Variants in SNTG1 observed in about 807,000 individuals in gnomAD.
SNTG1 encodes syntrophin gamma 1, also known as gamma-1-syntrophin.
In SNTG1, 39 loss-of-function variants were observed where a neutral mutation model predicts 74.7. The observed-to-expected ratio is 0.52, with a 90% confidence interval of 0.40 to 0.68. The LOEUF (loss-of-function observed/expected upper bound fraction) is 0.68. Ranked by LOEUF, SNTG1 falls within the 30% of genes least tolerant of loss-of-function variation. SNTG1 has a pLI of 0.00. For synonymous variants in SNTG1, 254 were observed against 217.1 expected (o/e 1.17, Z -1.49); for missense variants, 685 against 609.5 (o/e 1.12, Z -1.30).
At chr8:50,779,689 C>A (rs2095652638) in intron 18 of SNTG1, among the ~76,000 whole-genome samples, 1 of 145,914 alleles carries the variant, frequency 6.9e-6, no homozygotes, top group Non-Finnish European at 1.5e-5. Flanking sequence ...ATCGAATACC[C>A]TTTATTTCCT....
intron 1 of SNTG1, among the ~76,000 whole-genome samples, chr8:50,105,205 T>G (rs1351958155): frequency 6.6e-6 from 1 of 152,188 alleles, no homozygotes; most frequent in Non-Finnish European, 1.5e-5. Context: ...TTGATTTATG[T>G]ATATGGCGTA....
At chr8:50,645,560 T>C (rs2095103598) in intron 13 of SNTG1, among the ~76,000 whole-genome samples, 1 of 152,148 alleles carries the variant, frequency 6.6e-6, no homozygotes, top group African/African-American at 2.4e-5. Flanking sequence ...CATATAAATA[T>C]ATAGACATAA....
rs1810029917 is a variant in SNTG1, at chr8:49,954,954, T to C, written c.-103+42723T>C. On this transcript the variant is annotated intron_variant, in intron 1 of 18. Coordinates refer to ENST00000642720, the MANE Select transcript of SNTG1 (RefSeq NM_018967.5). ...AAGCAGAATGTTTAACTGGCATCTA[T>C]TTAATTGGTCTGTTATCAATGACTC... is the stretch of plus-strand genomic sequence containing the variant. Among the ~76,000 whole-genome samples the C allele has an allele frequency of 2.6e-5, 4 of 152,236 alleles. No individual in the cohort carries two copies. The South Asian group carries it at 6.2e-4, about 24-fold the overall frequency.
intron 1 of SNTG1, among the ~76,000 whole-genome samples, chr8:49,938,572 C>CTT (rs1206691190): frequency 8.4e-4 from 23 of 27,414 alleles, no homozygotes; most frequent in African/African-American, 2.0e-3. Context: ...CTTTTCTTTT[C>CTT]TTTTCTTTTC....
chr8:50,216,907 G>A (rs892257305), intron 2 of SNTG1, among the ~76,000 whole-genome samples: 16 of 151,972 alleles, frequency 1.1e-4, no homozygotes, highest in South Asian at 6.2e-4. Context: ...TTACATCAGA[G>A]ACTAGTCAAC....
chr8:50,372,124 T>C (rs1443010747), intron 2 of SNTG1, among the ~76,000 whole-genome samples: 3 of 152,030 alleles, frequency 2.0e-5, no homozygotes, highest in Non-Finnish European at 4.4e-5. Context: ...CTTTTCATTT[T>C]TCATCCTTTT....
At chr8:50,184,197 G>T (rs1484194892) in intron 2 of SNTG1, among the ~76,000 whole-genome samples, 2 of 151,992 alleles carry the variant, frequency 1.3e-5, no homozygotes, top group African/African-American at 4.8e-5. Context: ...ATGGAGTCTT[G>T]CTCTGTCGCC....
At chr8:50,500,483 G>T (rs1484523411) in intron 8 of SNTG1, among the ~76,000 whole-genome samples, 2 of 151,860 alleles carry the variant, frequency 1.3e-5, no homozygotes, top group African/African-American at 4.8e-5. Flanking sequence ...CATTTTTGTT[G>T]ATTGCTTCAA....
intron 17 of SNTG1, among the ~76,000 whole-genome samples, chr8:50,709,810 C>A (rs975461037): frequency 1.3e-5 from 2 of 152,158 alleles, no homozygotes; most frequent in African/African-American, 2.4e-5. Flanking sequence ...AGATCCATTC[C>A]ATTTCCTCCT....
chr8:50,077,340 C>T (rs1281553801), intron 1 of SNTG1, among the ~76,000 whole-genome samples: 1 of 152,022 alleles, frequency 6.6e-6, no homozygotes, highest in Non-Finnish European at 1.5e-5. Context: ...TCATTTTACC[C>T]CTTCATAATT....
intron 2 of SNTG1, among the ~76,000 whole-genome samples, chr8:50,316,708 A>G (rs913382543): frequency 2.6e-5 from 4 of 152,166 alleles, no homozygotes; most frequent in Non-Finnish European, 4.4e-5. Context: ...TCTAATCTAG[A>G]TAAGTATACA....
chr8:50,599,109 T>C lies in SNTG1; in HGVS notation c.849+8192T>C, dbSNP rs530848122. 2.0e-5 allele frequency among the ~76,000 whole-genome samples: 3 copies of C among 152,148 alleles called. No individual in the cohort carries two copies. In the South Asian group the frequency reaches 6.2e-4, roughly 32 times the overall value. The stretch of plus-strand genomic sequence containing the variant: ...CATCCAGTTTTCCCAGCACCATTGA[T>C]TGAAGAGACTGTCATTTCCGCCAAT... On this transcript the variant is annotated intron_variant, in intron 13 of 18. Coordinates refer to ENST00000642720, the MANE Select transcript of SNTG1 (RefSeq NM_018967.5).
chr8:49,923,322 TG>T (rs1219150764), intron 1 of SNTG1, among the ~76,000 whole-genome samples: 2 of 152,144 alleles, frequency 1.3e-5, no homozygotes, highest in Non-Finnish European at 2.9e-5. Context: ...GAAACATTTT[TG>T]GGAGGGGAAA....
At position 50,462,796 on chromosome 8, in the gene SNTG1, C is replaced by CTTTTTTTTTTTTTTTTT. The variant is rs869119447; in HGVS notation, c.363+12090_363+12106dup. 8.7e-5 allele frequency among the ~76,000 whole-genome samples: 5 copies of CTTTTTTTTTTTTTTTTT among 57,474 alleles called. 2 individuals are homozygous for CTTTTTTTTTTTTTTTTT. Among genetic ancestry groups the CTTTTTTTTTTTTTTTTT allele is most frequent in the African/African-American group, 1.2e-4 (2 of 17,050 alleles). 37.7% of individuals were successfully genotyped at this position (57,474 alleles called of 152,430 possible). On this transcript the variant is annotated intron_variant, in intron 8 of 18. Coordinates refer to ENST00000642720, the MANE Select transcript of SNTG1 (RefSeq NM_018967.5). ...CTCAGTCGCATCTTCAGGTTCTACT[C>CTTTTTTTTTTTTTTTTT]TTTTTTTTTTTTTTTTTTTTTTTTT...
intron 2 of SNTG1, among the ~76,000 whole-genome samples, chr8:50,176,282 T>A (rs2082997615): frequency 6.6e-6 from 1 of 152,142 alleles, no homozygotes; most frequent in South Asian, 2.1e-4. Flanking sequence ...CCAGAATCAT[T>A]GTTCAAGCTC....
chr8:49,983,530 T>C (rs1812869085), intron 1 of SNTG1, among the ~76,000 whole-genome samples: 1 of 152,204 alleles, frequency 6.6e-6, no homozygotes, highest in Non-Finnish European at 1.5e-5. Flanking sequence ...TATTGAGAAA[T>C]TTATGAGATC....
At chr8:50,627,045 C>G (rs1296584315) in intron 13 of SNTG1, among the ~76,000 whole-genome samples, 1 of 152,082 alleles carries the variant, frequency 6.6e-6, no homozygotes, top group Non-Finnish European at 1.5e-5. Flanking sequence ...GACTGCACAG[C>G]TTATTATTTT....
intron 2 of SNTG1, among the ~76,000 whole-genome samples, chr8:50,366,796 C>A (rs2092124628): frequency 7.4e-6 from 1 of 134,682 alleles, no homozygotes. Context: ...AGATATAATA[C>A]TATAATAAAA....
chr8:50,305,037 G>GGATT (rs1216427689), intron 2 of SNTG1, among the ~76,000 whole-genome samples: 2 of 152,076 alleles, frequency 1.3e-5, no homozygotes, highest in East Asian at 3.9e-4. Flanking sequence ...CAGGTAGCTG[G>GGATT]GATTACAGGT....
Sources: allele counts gnomAD v4.1 joint callset (sites outside exome capture counted in the v4.1 genomes callset), GRCh38; gene constraint gnomAD v4.1.1; transcripts MANE v1.5; gene names NCBI Gene and HGNC (gene_info 2026-07-23, HGNC 2026-07-21).